The following RERE variants were observed in gnomAD, a reference collection of about 807,000 sequenced individuals.
RERE encodes arginine-glutamic acid dipeptide repeats, also known as arginine-glutamic acid dipeptide repeats protein.
A neutral mutation model predicts 146.1 loss-of-function variants in RERE; 40 were observed. The observed-to-expected ratio is 0.27, with a 90% CI of 0.21 to 0.36. The LOEUF (loss-of-function observed/expected upper bound fraction) is 0.36, where lower values mean the gene tolerates loss of function less well. RERE is among the 10% of genes least tolerant of loss of function. RERE has a pLI of 1.00. For missense variants in RERE, 1,933 were observed against 2,138.7 expected (o/e 0.90, Z 1.90); for synonymous variants, 1,003 against 866.0 (o/e 1.16, Z -2.78).
intron 1 of RERE, among the ~76,000 whole-genome samples, chr1:8,770,541 C>T (rs761019571): frequency 5.1e-4 from 77 of 152,172 alleles, no homozygotes; most frequent in Admixed American, 3.8e-3. Context: ...TAGCTCTGTC[C>T]TCAGTTTCCT....
intron 12 of RERE, among the ~76,000 whole-genome samples, chr1:8,409,145 ACTT>A (rs1317292013): frequency 7.2e-5 from 11 of 152,348 alleles, no homozygotes; most frequent in African/African-American, 2.6e-4. Flanking sequence ...AGAGCCTCAC[ACTT>A]CTTAAGGAAA....
In RERE at chr1:8,813,614, CTT is replaced by C. The variant is rs34918730; in HGVS notation, c.-145+3544_-145+3545del. Among the ~76,000 whole-genome samples the C allele has an allele frequency of 1.4e-3, 165 of 121,116 alleles. 1 individual carries two copies. The highest frequency in any genetic ancestry group is 6.6e-3 in the East Asian group (27 of 4,066). 79.5% of individuals were successfully genotyped at this position (121,116 alleles called of 152,430 possible). Reference sequence around the variant, plus strand: ...ACAGTGTTTACTATCCTATTTTTTCCTTTTTTTTTTTTTTTTTTTAGACAGAG... The same window carrying C: ...ACAGTGTTTACTATCCTATTTTTTCCTTTTTTTTTTTTTTTTTAGACAGAG... On this transcript the variant is annotated intron_variant, in intron 1 of 22. Coordinates refer to ENST00000400908, the MANE Select transcript of RERE (RefSeq NM_001042681.2).
At chr1:8,672,808 CA>C (rs1211080295) in intron 1 of RERE, among the ~76,000 whole-genome samples, 6 of 151,058 alleles carry the variant, frequency 4.0e-5, no homozygotes, top group Non-Finnish European at 7.4e-5. Flanking sequence ...ACAGCAACAA[CA>C]AAAAAAAACT....
At chr1:8,815,829 T>TTTTGTGTGTGTGTGTGTGTG (rs1553152686) in intron 1 of RERE, among the ~76,000 whole-genome samples, 1 of 149,850 alleles carries the variant, frequency 6.7e-6, no homozygotes, top group Non-Finnish European at 1.5e-5. Context: ...CAGCTTGGTA[T>TTTTGTGTGTGTGTGTGTGTG]TGTGTGTGTG....
chr1:8,733,188 A>T (rs912234174), intron 1 of RERE, among the ~76,000 whole-genome samples: 30 of 152,122 alleles, frequency 2.0e-4, no homozygotes, highest in Non-Finnish European at 1.0e-4. Context: ...AGAGAGAGAG[A>T]GAGTGAGTGT....
chr1:8,777,685 C>T (rs993202924), intron 1 of RERE, among the ~76,000 whole-genome samples: 3 of 150,968 alleles, frequency 2.0e-5, no homozygotes, highest in Non-Finnish European at 4.4e-5. Flanking sequence ...CAGGTGCCCG[C>T]CACCACACCC....
chr1:8,401,021 A>C (rs1388296650), intron 12 of RERE, among the ~76,000 whole-genome samples: 1 of 44,300 alleles, frequency 2.3e-5, no homozygotes, highest in East Asian at 4.0e-4. Flanking sequence ...CTGTCTCAAA[A>C]AAAAAAAAAA....
chr1:8,735,585 G>A (rs545208152), intron 1 of RERE, among the ~76,000 whole-genome samples: 27 of 152,118 alleles, frequency 1.8e-4, no homozygotes, highest in African/African-American at 6.5e-4. Context: ...TAATAATATG[G>A]TTTGGACTTG....
chr1:8,610,215 T>C (rs1646775970), intron 4 of RERE, among the ~76,000 whole-genome samples: 1 of 152,208 alleles, frequency 6.6e-6, no homozygotes, highest in Non-Finnish European at 1.5e-5. Flanking sequence ...TGTACATATA[T>C]AGAAGATTTT....
intron 12 of RERE, among the ~76,000 whole-genome samples, chr1:8,371,390 A>G (rs909259600): frequency 1.3e-5 from 2 of 152,192 alleles, no homozygotes; most frequent in African/African-American, 2.4e-5. Context: ...AGGTTCCTTT[A>G]ATTTCCCACA....
At position 8,361,231 on chromosome 1, in the gene RERE, G is replaced by T. The variant is rs765180603; in HGVS notation, c.2276C>A (p.Pro759His). 13 of 1,543,774 alleles carry T rather than the reference G, an allele frequency of 8.4e-6. No homozygotes were observed. The highest frequency in any genetic ancestry group is 1.0e-5 in the Non-Finnish European group (12 of 1,148,934). Residue 759 changes from proline (P) to histidine (H), a missense_variant, in exon 18 of 23, where the codon CCT becomes CAT. Coordinates refer to ENST00000400908, the MANE Select transcript of RERE (RefSeq NM_001042681.2). ...CGTGGGCCCTGGCGTGGGCAGCTGAGGGGTCCCTGGAGGAGCTGAGGAGGG... is the reference window on the plus strand; with the variant it reads ...CGTGGGCCCTGGCGTGGGCAGCTGATGGGTCCCTGGAGGAGCTGAGGAGGG... ...PAPSSAPPGTPQLPTPGPTPS... is the reference protein window; with the variant it reads ...PAPSSAPPGTHQLPTPGPTPS...
chr1:8,538,751 G>C (rs1277521875), intron 7 of RERE, among the ~76,000 whole-genome samples: 1 of 152,206 alleles, frequency 6.6e-6, no homozygotes, highest in Admixed American at 6.5e-5. Context: ...GGTGGACATA[G>C]GGAACACAAG....
intron 1 of RERE, among the ~76,000 whole-genome samples, chr1:8,731,069 CA>C (rs1640069668): frequency 6.6e-6 from 1 of 152,142 alleles, no homozygotes; most frequent in Non-Finnish European, 1.5e-5. Context: ...TACAGAGAAT[CA>C]CAGAAAAGAT....
In RERE at chr1:8,365,891, C is replaced by T. The variant is rs1274761589; in HGVS notation, c.1368G>A (p.Gln456=). The change falls in exon 13 of 23, where the codon CAG becomes CAA. Residue 456 remains glutamine, a synonymous_variant. Transcript: ENST00000400908. ...SSRAHRRHRR[Q]AVFRRIKTRT... The stretch of plus-strand genomic sequence containing the variant: ...GAGTCTTAATCCTCCTGAACACGGC[C>T]TGCCTGCGGTGCCTACGATGGGCTC... The T allele has an allele frequency of 1.2e-6, 2 of 1,614,226 alleles. No homozygotes were observed. The highest frequency in any genetic ancestry group is 1.7e-6 in the Non-Finnish European group (2 of 1,180,040).
chr1:8,579,741 C>T (rs770236380), intron 4 of RERE, among the ~76,000 whole-genome samples: 7 of 152,252 alleles, frequency 4.6e-5, no homozygotes, highest in South Asian at 2.1e-4. Flanking sequence ...CAGTGGCTCA[C>T]GCCTGTAATC....
Position 8,569,257 on chromosome 1 carries a change from C to CAAA in RERE, c.523-11737_523-11735dup, listed in dbSNP as rs77151908. Among the ~76,000 whole-genome samples the CAAA allele has an allele frequency of 2.3e-3, 229 of 101,476 alleles. 1 individual carries two copies. Among genetic ancestry groups the CAAA allele is most frequent in the African/African-American group, 6.5e-3 (187 of 28,896 alleles). The allele number at this position is 101,476 out of a possible 152,430, so 66.6% of individuals were successfully genotyped here. ...ACAGTCCATTAAATTTCTTTAAAAGCAAAAAAAAAAAAAAAAGAGTACAAA... is the reference window on the plus strand; with the variant it reads ...ACAGTCCATTAAATTTCTTTAAAAGCAAAAAAAAAAAAAAAAAAAGAGTACAAA... On this transcript the variant is annotated intron_variant, in intron 4 of 22. Coordinates refer to ENST00000400908, the MANE Select transcript of RERE (RefSeq NM_001042681.2).
At chr1:8,638,776 A>G (rs999407820) in intron 2 of RERE, among the ~76,000 whole-genome samples, 33 of 139,142 alleles carry the variant, frequency 2.4e-4, no homozygotes, top group Admixed American at 6.2e-4. Flanking sequence ...CTCATAGACG[A>G]AAAAAAATTT....
chr1:8,574,202 G>C (rs553948641), intron 4 of RERE, among the ~76,000 whole-genome samples: 2 of 152,056 alleles, frequency 1.3e-5, no homozygotes, highest in Non-Finnish European at 2.9e-5. Context: ...AAGAATCTGG[G>C]TTCCTTCTAC....
intron 4 of RERE, among the ~76,000 whole-genome samples, chr1:8,602,910 C>A (rs1211028732): frequency 6.6e-6 from 1 of 152,168 alleles, no homozygotes; most frequent in Non-Finnish European, 1.5e-5. Flanking sequence ...GGGGCAATTT[C>A]TCTGAACCAG....
Sources: allele counts gnomAD v4.1 joint callset (sites outside exome capture counted in the v4.1 genomes callset), GRCh38; gene constraint gnomAD v4.1.1; transcripts MANE v1.5; gene names NCBI Gene and HGNC (gene_info 2026-07-23, HGNC 2026-07-21).